Variants in PALD1 observed in about 807,000 individuals in gnomAD.
The protein encoded by PALD1 is paladin.
Under a neutral mutation model 96.0 loss-of-function variants are expected in PALD1, and 57 were observed. The observed-to-expected ratio is 0.59, with a 90% CI of 0.48 to 0.74. The LOEUF is 0.74. Ranked by LOEUF, PALD1 falls within the 30% of genes least tolerant of loss-of-function variation. The pLI is 0.00. For synonymous variants in PALD1, 464 were observed against 473.6 expected, an observed-to-expected ratio of 0.98 and a Z score of 0.26; for missense variants, 1,063 against 1,143.7, an observed-to-expected ratio of 0.93 and a Z score of 1.02.
At chr10:70,509,652 G>T (rs571255103) in intron 1 of PALD1, among the ~76,000 whole-genome samples, 95 of 152,322 alleles carry the variant, frequency 6.2e-4, no homozygotes, top group African/African-American at 2.2e-3. Context: ...TACTGAAGGG[G>T]GTGAGGGTGG....
At chr10:70,508,346 C>T (rs553002396) in intron 1 of PALD1, among the ~76,000 whole-genome samples, 4 of 152,288 alleles carry the variant, frequency 2.6e-5, no homozygotes, top group African/African-American at 7.2e-5. Context: ...TTTGCCAAGG[C>T]CTGTTGATGG....
At chr10:70,544,746 T>C (rs951824168) in intron 17 of PALD1, among the ~76,000 whole-genome samples, 16 of 152,188 alleles carry the variant, frequency 1.1e-4, no homozygotes, top group African/African-American at 3.9e-4. Context: ...CGCAGTTCCC[T>C]GCACCCTCCT....
intron 1 of PALD1, among the ~76,000 whole-genome samples, chr10:70,512,406 G>T (rs1404453283): frequency 6.6e-6 from 1 of 152,274 alleles, no homozygotes; most frequent in Non-Finnish European, 1.5e-5. Flanking sequence ...CCTGCCTTGG[G>T]ACCAGAAAGC....
At chr10:70,521,803 G>C (rs540867674) in intron 1 of PALD1, among the ~76,000 whole-genome samples, 1 of 152,046 alleles carries the variant, frequency 6.6e-6, no homozygotes, top group South Asian at 2.1e-4. Flanking sequence ...CAAAGTGCTA[G>C]GATTACAGGC....
upstream of PALD1, among the ~76,000 whole-genome samples, chr10:70,473,930 G>A (rs1248046314): frequency 6.6e-6 from 1 of 151,980 alleles, no homozygotes; most frequent in Non-Finnish European, 1.5e-5. Flanking sequence ...TGGGATTACA[G>A]GTGTGAGCCA....
chr10:70,554,482 C>T (rs887902473), intron 18 of PALD1, among the ~76,000 whole-genome samples: 6 of 152,060 alleles, frequency 3.9e-5, no homozygotes, highest in African/African-American at 1.4e-4. Context: ...GAAAGAAAAC[C>T]CATTGAACTA....
chr10:70,538,880 C>T lies in PALD1; in HGVS notation c.1453-12C>T. 1.2e-6 allele frequency: 2 copies of T among 1,606,798 alleles called. No homozygotes were observed. The highest frequency in any genetic ancestry group is 1.7e-6 in the Non-Finnish European group (2 of 1,174,146). On this transcript the variant is annotated splice_polypyrimidine_tract_variant and intron_variant, in intron 12 of 19. Transcript: ENST00000263563. ...GCTGCTGTGGGTCCCAGGCTTGGTG[C>T]TCTCCCCACAGCGGGAGGACGATCT... is the stretch of plus-strand genomic sequence containing the variant.
rs755118373 is a variant in PALD1 at position 70,526,134 on chromosome 10, C to A, written c.183C>A (p.Ile61=). ...IIPNKVAPVV[I]TYNCKEEFQI... ...CCAACAAGGTGGCCCCTGTTGTGAT[C>A]ACGTGAGTGGCAGGGGGAGTGTGCC... Residue 61 remains isoleucine, a splice_region_variant and synonymous_variant, in exon 2 of 20, where the codon ATC becomes ATA. Coordinates refer to ENST00000263563, the MANE Select transcript of PALD1 (RefSeq NM_014431.3). 4 of 1,613,398 alleles carry A rather than the reference C, an allele frequency of 2.5e-6. No homozygotes were observed. The highest frequency in any genetic ancestry group is 3.4e-6 in the Non-Finnish European group (4 of 1,179,530).
intron 1 of PALD1, among the ~76,000 whole-genome samples, chr10:70,490,291 G>A (rs1361820595): frequency 1.3e-5 from 2 of 151,958 alleles, no homozygotes; most frequent in African/African-American, 2.4e-5. Flanking sequence ...GTGCAATCAC[G>A]GCTCACTGAA....
At chr10:70,522,172 T>G (rs1269568707) in intron 1 of PALD1, among the ~76,000 whole-genome samples, 2 of 152,120 alleles carry the variant, frequency 1.3e-5, no homozygotes, top group Non-Finnish European at 2.9e-5. Flanking sequence ...GTGCCCCGCA[T>G]GGTGGACACC....
upstream of PALD1, among the ~76,000 whole-genome samples, chr10:70,475,983 A>C (rs898655197): frequency 6.6e-6 from 1 of 152,230 alleles, no homozygotes; most frequent in Non-Finnish European, 1.5e-5. Flanking sequence ...ACACTTGCAC[A>C]AACATGGATC....
intron 18 of PALD1, among the ~76,000 whole-genome samples, chr10:70,554,309 A>G (rs546170435): frequency 2.6e-5 from 4 of 152,092 alleles, no homozygotes; most frequent in Non-Finnish European, 5.9e-5. Context: ...CACACCTGTA[A>G]TCCCAGCTAC....
At chr10:70,527,606 G>C (rs1327232962) in intron 2 of PALD1, among the ~76,000 whole-genome samples, 1 of 152,154 alleles carries the variant, frequency 6.6e-6, no homozygotes, top group Non-Finnish European at 1.5e-5. Flanking sequence ...TTCCAGAAAA[G>C]GAATGGCAAC....
the PALD1 span, among the ~76,000 whole-genome samples, chr10:70,466,721 C>T: frequency 1.3e-5 from 2 of 152,116 alleles, no homozygotes; most frequent in African/African-American, 2.4e-5. Flanking sequence ...GGCAGCCCTC[C>T]TTGAGAAGCG....
At chr10:70,475,092 T>C (rs961765210), upstream of PALD1, among the ~76,000 whole-genome samples, 2 of 152,196 alleles carry the variant, frequency 1.3e-5, no homozygotes, top group African/African-American at 2.4e-5. Context: ...CTCCAGACTT[T>C]CCCAGGAAGC....
chr10:70,514,288 C>T (rs1444609005), intron 1 of PALD1, among the ~76,000 whole-genome samples: 4 of 152,164 alleles, frequency 2.6e-5, no homozygotes, highest in Admixed American at 6.5e-5. Context: ...GTCAGGGCTG[C>T]CCCCCGCAGT....
intron 1 of PALD1, among the ~76,000 whole-genome samples, chr10:70,497,377 G>A (rs923874234): frequency 6.6e-6 from 1 of 152,186 alleles, no homozygotes; most frequent in African/African-American, 2.4e-5. Flanking sequence ...GCGCATGCCT[G>A]GCCACAAGGC....
At chr10:70,521,264 T>TTC (rs1846729885) in intron 1 of PALD1, among the ~76,000 whole-genome samples, 3 of 151,594 alleles carry the variant, frequency 2.0e-5, no homozygotes, top group Non-Finnish European at 4.4e-5. Context: ...GTGCTTTTGC[T>TTC]GCTAGGGTCA....
At chr10:70,483,612 G>A (rs1352364957) in intron 1 of PALD1, among the ~76,000 whole-genome samples, 1 of 152,186 alleles carries the variant, frequency 6.6e-6, no homozygotes, top group Non-Finnish European at 1.5e-5. Flanking sequence ...GACCCTGCCA[G>A]CTTCTGCATC....
Sources: gnomAD v4.1 joint callset for allele counts (sites outside exome capture counted in the v4.1 genomes callset) on GRCh38, gnomAD v4.1.1 for gene constraint, MANE v1.5 for transcripts, NCBI Gene and HGNC (gene_info 2026-07-23, HGNC 2026-07-21) for gene names.